Variants in LEKR1 observed in about 807,000 individuals in gnomAD.
LEKR1 encodes protein LEKR1.
A neutral mutation model predicts 72.4 loss-of-function variants in LEKR1; 59 were observed. The ratio of observed to expected loss-of-function variants is 0.82; its 90% confidence interval spans 0.66 to 1.01. LEKR1 has a LOEUF of 1.01. Among genes scored for constraint, LEKR1 ranks in the 50% least tolerant of loss-of-function variants. The probability of loss-of-function intolerance (pLI) is 0.00; values close to 1 mark genes in which losing one functional copy is unlikely to be tolerated. For synonymous variants in LEKR1, 257 were observed against 263.2 expected (o/e 0.98, Z 0.23); for missense variants, 728 against 759.2 (o/e 0.96, Z 0.48).
intron 2 of LEKR1, among the ~76,000 whole-genome samples, chr3:156,834,256 T>A (rs1163947623): frequency 3.3e-5 from 5 of 152,186 alleles, no homozygotes; most frequent in African/African-American, 1.2e-4. Flanking sequence ...GTGTGCTTTT[T>A]ATTTTAATGT....
chr3:157,012,625 A>G (rs906487074), intron 10 of LEKR1, among the ~76,000 whole-genome samples: 7 of 152,122 alleles, frequency 4.6e-5, no homozygotes, highest in Non-Finnish European at 5.9e-5. Flanking sequence ...CCCTCTAAAA[A>G]CAAGTACCCC....
intron 3 of LEKR1, among the ~76,000 whole-genome samples, chr3:156,904,041 C>A (rs1722286697): frequency 6.6e-6 from 1 of 152,144 alleles, no homozygotes; most frequent in Admixed American, 6.5e-5. Flanking sequence ...CAGTGGTTAC[C>A]CACTGCATGA....
intron 2 of LEKR1, among the ~76,000 whole-genome samples, chr3:156,835,357 C>T (rs1712965485): frequency 6.6e-6 from 1 of 152,172 alleles, no homozygotes; most frequent in African/African-American, 2.4e-5. Context: ...CAGGGTGGAG[C>T]CCTTCAAGGA....
intron 2 of LEKR1, among the ~76,000 whole-genome samples, chr3:156,829,644 A>G (rs1020532073): frequency 6.6e-6 from 1 of 152,242 alleles, no homozygotes; most frequent in Non-Finnish European, 1.5e-5. Context: ...AAAAGCAGGC[A>G]TCAGAAACGT....
chr3:156,943,541 G>T (rs545165117), intron 6 of LEKR1, among the ~76,000 whole-genome samples: 5 of 152,024 alleles, frequency 3.3e-5, no homozygotes, highest in African/African-American at 7.2e-5. Flanking sequence ...CTAGTAAATG[G>T]CAGAGAGTAA....
intron 6 of LEKR1, among the ~76,000 whole-genome samples, chr3:156,958,903 T>G (rs1304520787): frequency 6.6e-6 from 1 of 152,202 alleles, no homozygotes; most frequent in Non-Finnish European, 1.5e-5. Flanking sequence ...TCAAATCGTT[T>G]TGTTTGGCTT....
chr3:156,958,445 T>A (rs1267838620), intron 6 of LEKR1, among the ~76,000 whole-genome samples: 1 of 152,126 alleles, frequency 6.6e-6, no homozygotes, highest in Non-Finnish European at 1.5e-5. Flanking sequence ...ATTATAACTT[T>A]CTTCTTGTCT....
chr3:157,029,175 TA>T (rs1240817270), intron 12 of LEKR1, among the ~76,000 whole-genome samples: 2 of 152,198 alleles, frequency 1.3e-5, no homozygotes, highest in Non-Finnish European at 2.9e-5. Context: ...CTAACAGCAA[TA>T]TCGATTATTA....
intron 3 of LEKR1, among the ~76,000 whole-genome samples, chr3:156,878,506 G>C (rs944829795): frequency 3.9e-5 from 6 of 152,060 alleles, no homozygotes; most frequent in African/African-American, 1.4e-4. Flanking sequence ...ATATAATTTT[G>C]ATTTTCTTAA....
At chr3:156,828,958 A>C (rs1712008635) in intron 1 of LEKR1, among the ~76,000 whole-genome samples, 1 of 152,234 alleles carries the variant, frequency 6.6e-6, no homozygotes, top group Non-Finnish European at 1.5e-5. Flanking sequence ...AAATACACTG[A>C]AATGTGTATT....
At chr3:157,028,882 TTATG>T (rs1277760247) in intron 12 of LEKR1, among the ~76,000 whole-genome samples, 2 of 152,214 alleles carry the variant, frequency 1.3e-5, no homozygotes, top group African/African-American at 4.8e-5. Flanking sequence ...GTTTTCTTTC[TTATG>T]TATGTATGAT....
At chr3:157,021,213 C>A (rs977685649) in intron 10 of LEKR1, among the ~76,000 whole-genome samples, 4 of 151,904 alleles carry the variant, frequency 2.6e-5, no homozygotes, top group African/African-American at 9.7e-5. Flanking sequence ...TGAAAATTTT[C>A]TCCCATTTTA....
At chr3:156,958,386 A>G (rs1727837898) in intron 6 of LEKR1, among the ~76,000 whole-genome samples, 1 of 152,168 alleles carries the variant, frequency 6.6e-6, no homozygotes, top group South Asian at 2.1e-4. Flanking sequence ...AGTTCAGGAA[A>G]GACAGCAAAG....
In LEKR1 at chr3:156,969,676, C is replaced by T. The variant is rs538269681; in HGVS notation, c.746-9518C>T. ...GTCCAGGACCAGATGGATTCACAGCCGAATTCTACCAGAGGTACAAGGAGG... is the reference window on the plus strand; with the variant it reads ...GTCCAGGACCAGATGGATTCACAGCTGAATTCTACCAGAGGTACAAGGAGG... On this transcript the variant is annotated intron_variant, in intron 6 of 12. Transcript: ENST00000356539. Among the ~76,000 whole-genome samples, 580 of 152,210 alleles carry T rather than the reference C, an allele frequency of 3.8e-3. 3 individuals carry two copies. The highest frequency in any genetic ancestry group is 0.014 in the Middle Eastern group (4 of 294).
chr3:156,844,528 C>T (rs1463857613), intron 2 of LEKR1, among the ~76,000 whole-genome samples: 1 of 152,088 alleles, frequency 6.6e-6, no homozygotes, highest in East Asian at 1.9e-4. Flanking sequence ...CAATCTCTTC[C>T]CTACTCCCAG....
intron 3 of LEKR1, among the ~76,000 whole-genome samples, chr3:156,858,070 CTT>C (rs1200816106): frequency 6.6e-6 from 1 of 152,104 alleles, no homozygotes; most frequent in East Asian, 1.9e-4. Flanking sequence ...TTTTTTACCT[CTT>C]TTTGAGTCAG....
intron 12 of LEKR1, among the ~76,000 whole-genome samples, chr3:157,032,978 C>T (rs1734725338): frequency 6.6e-6 from 1 of 152,090 alleles, no homozygotes; most frequent in South Asian, 2.1e-4. Context: ...GTTATGGCCA[C>T]AAAACCAGTG....
intron 3 of LEKR1, among the ~76,000 whole-genome samples, chr3:156,897,723 C>T (rs984243612): frequency 6.6e-6 from 1 of 152,134 alleles, no homozygotes; most frequent in East Asian, 1.9e-4. Flanking sequence ...GAGGCCAAGG[C>T]AGGTGGATCA....
chr3:156,962,187 G>T (rs192357929), intron 6 of LEKR1, among the ~76,000 whole-genome samples: 1 of 152,286 alleles, frequency 6.6e-6, no homozygotes, highest in East Asian at 1.9e-4. Flanking sequence ...GACCTTACCT[G>T]CAAGGTCTGA....
Sources: gnomAD v4.1 joint callset for allele counts (sites outside exome capture counted in the v4.1 genomes callset) on GRCh38, gnomAD v4.1.1 for gene constraint, MANE v1.5 for transcripts, NCBI Gene and HGNC (gene_info 2026-07-23, HGNC 2026-07-21) for gene names.